The following LPP variants were observed in gnomAD, a reference collection of about 807,000 sequenced individuals.
The protein encoded by LPP is lipoma-preferred partner.
LPP carries 38 observed loss-of-function variants against 60.4 expected under a neutral mutation model. The observed-to-expected ratio is 0.63, with a 90% CI of 0.49 to 0.83. LPP has a LOEUF of 0.83. LPP is among the 40% of genes least tolerant of loss of function. LPP has a pLI of 0.00. For synonymous variants in LPP, 328 were observed against 290.8 expected (o/e 1.13, Z -1.30); for missense variants, 902 against 783.6 (o/e 1.15, Z -1.80).
chr3:188,638,338 T>A (rs1215259389), intron 7 of LPP, among the ~76,000 whole-genome samples: 569 of 127,398 alleles, frequency 4.5e-3, no homozygotes, highest in South Asian at 9.0e-3. Context: ...AAACTCTCAA[T>A]AAATTAGGTA....
chr3:188,405,629 T>C (rs868083509), intron 3 of LPP, among the ~76,000 whole-genome samples: 1 of 152,100 alleles, frequency 6.6e-6, no homozygotes, highest in East Asian at 1.9e-4. Context: ...CAACACTTGT[T>C]CTTAACCTCA....
chr3:188,264,666 T>C (rs998142482), intron 2 of LPP, among the ~76,000 whole-genome samples: 1 of 152,036 alleles, frequency 6.6e-6, no homozygotes, highest in African/African-American at 2.4e-5. Context: ...GTTCAGAGGG[T>C]GAGGGCCTGC....
chr3:188,330,298 C>T (rs1031334552), intron 2 of LPP, among the ~76,000 whole-genome samples: 1 of 152,122 alleles, frequency 6.6e-6, no homozygotes, highest in African/African-American at 2.4e-5. Context: ...GACAATGCTG[C>T]GTGTGAACAT....
At chr3:188,812,366 G>A (rs1354161025) in intron 9 of LPP, among the ~76,000 whole-genome samples, 1 of 152,154 alleles carries the variant, frequency 6.6e-6, no homozygotes, top group Non-Finnish European at 1.5e-5. Context: ...ATTTCTTGCA[G>A]CTAGCATAAA....
At chr3:188,419,388 T>C (rs1179890359) in intron 4 of LPP, among the ~76,000 whole-genome samples, 1 of 152,242 alleles carries the variant, frequency 6.6e-6, no homozygotes, top group African/African-American at 2.4e-5. Flanking sequence ...AGTGACTCCA[T>C]GGCTAACTCT....
intron 3 of LPP, among the ~76,000 whole-genome samples, chr3:188,396,139 A>G (rs1780898945): frequency 6.6e-6 from 1 of 152,170 alleles, no homozygotes; most frequent in Non-Finnish European, 1.5e-5. Context: ...ATGTGGCCTG[A>G]ATCAACATTG....
intron 6 of LPP, among the ~76,000 whole-genome samples, chr3:188,582,772 G>C (rs1836548616): frequency 6.6e-6 from 1 of 152,100 alleles, no homozygotes; most frequent in Admixed American, 6.5e-5. Flanking sequence ...ATGTTGTTCG[G>C]TATGTGGCAT....
intron 2 of LPP, among the ~76,000 whole-genome samples, chr3:188,231,809 G>A (rs1720091996): frequency 6.6e-6 from 1 of 152,106 alleles, no homozygotes; most frequent in South Asian, 2.1e-4. Flanking sequence ...GGAAAAATAG[G>A]TCAAAAATTG....
chr3:188,875,290 C>T lies in LPP; in HGVS notation c.*811C>T, dbSNP rs146515570. On this transcript the variant is annotated 3_prime_UTR_variant, in exon 12 of 12. Coordinates refer to ENST00000617246, the MANE Select transcript of LPP (RefSeq NM_001375462.1). ...ATATTACCTTAAGATTTTTCTTTTC[C>T]GCACTACCTGAACATTGTAATACAG... The T allele has an allele frequency of 8.3e-5, 18 of 217,970 alleles. No homozygotes were observed. The highest frequency in any genetic ancestry group is 6.4e-4 in the Admixed American group (11 of 17,276). 13.5% of individuals were successfully genotyped at this position (217,970 alleles called of 1,614,324 possible). A position where few individuals can be genotyped will look rare whatever the true frequency, so the allele number is the denominator to read the frequency against.
At chr3:188,874,020 T>C (rs954350600) in intron 11 of LPP, among the ~76,000 whole-genome samples, 8 of 152,100 alleles carry the variant, frequency 5.3e-5, no homozygotes, top group African/African-American at 1.9e-4. Flanking sequence ...TTATTTTCTC[T>C]TGTTGAGTGG....
At chr3:188,318,850 C>T (rs1455759592) in intron 2 of LPP, among the ~76,000 whole-genome samples, 8 of 148,212 alleles carry the variant, frequency 5.4e-5, no homozygotes, top group African/African-American at 1.2e-4. Context: ...GCTCCGCCTC[C>T]CGGGTTCACG....
intron 1 of LPP, among the ~76,000 whole-genome samples, chr3:188,163,407 A>G (rs1718918545): frequency 6.6e-6 from 1 of 152,092 alleles, no homozygotes; most frequent in Non-Finnish European, 1.5e-5. Context: ...GTGTCCCTTA[A>G]TTACTCAGGC....
chr3:188,429,392 G>A (rs931513997), intron 4 of LPP, among the ~76,000 whole-genome samples: 1 of 152,104 alleles, frequency 6.6e-6, no homozygotes, highest in Admixed American at 6.6e-5. Flanking sequence ...CCAAAGTAAT[G>A]ACCTCAAACT....
chr3:188,887,867 A>G lies in LPP; in HGVS notation c.*13388A>G. 4.7e-6 allele frequency: 1 copy of G among 212,364 alleles called. No homozygotes were observed. The highest frequency in any genetic ancestry group is 5.9e-5 in the Admixed American group (1 of 17,056). 13.2% of individuals were successfully genotyped at this position (212,364 alleles called of 1,614,324 possible). ...ATTTCCTCTCTTGGGAAAGCTGATG[A>G]GCAAATTATCCAAGACTCATTTCTT... is the stretch of plus-strand genomic sequence containing the variant. On this transcript the variant is annotated 3_prime_UTR_variant, in exon 12 of 12. Transcript: ENST00000617246.
At chr3:188,358,517 G>A (rs867835555) in intron 3 of LPP, among the ~76,000 whole-genome samples, 2 of 152,232 alleles carry the variant, frequency 1.3e-5, no homozygotes, top group Non-Finnish European at 2.9e-5. Context: ...AGGGTGAAGG[G>A]CAGGAGTCAA....
At chr3:188,532,246 A>AAAACAAACAAACAAAC (rs112631541) in intron 6 of LPP, among the ~76,000 whole-genome samples, 4 of 151,798 alleles carry the variant, frequency 2.6e-5, no homozygotes, top group African/African-American at 9.7e-5. Context: ...AGCTCTACTA[A>AAAACAAACAAACAAAC]AAACAAACAA....
chr3:188,589,015 T>C (rs933456479), intron 6 of LPP, among the ~76,000 whole-genome samples: 1 of 152,128 alleles, frequency 6.6e-6, no homozygotes. Context: ...TGTGGACTTC[T>C]TGAGTCCATG....
rs190611073 is a variant in LPP at position 188,618,881 on chromosome 3, G to C, written c.1113+9037G>C. ...AACAAGAAGGATAAGGTGTAAGTGT[G>C]GTAGTTGTTTTATTTATGGATTTAT... is the stretch of plus-strand genomic sequence containing the variant. On this transcript the variant is annotated intron_variant, in intron 7 of 11. Coordinates refer to ENST00000617246, the MANE Select transcript of LPP (RefSeq NM_001375462.1). Among the ~76,000 whole-genome samples the C allele has an allele frequency of 2.0e-5, 3 of 152,066 alleles. No homozygotes were observed. The East Asian group carries it at 5.8e-4, about 29-fold the overall frequency.
chr3:188,663,834 T>C (rs1327625218), intron 7 of LPP, among the ~76,000 whole-genome samples: 1 of 152,148 alleles, frequency 6.6e-6, no homozygotes, highest in Non-Finnish European at 1.5e-5. Context: ...ATAAGGGGCA[T>C]GCAAACTAGG....
Sources: allele counts gnomAD v4.1 joint callset (sites outside exome capture counted in the v4.1 genomes callset), GRCh38; gene constraint gnomAD v4.1.1; transcripts MANE v1.5; gene names NCBI Gene and HGNC (gene_info 2026-07-23, HGNC 2026-07-21).